The following BNC2 variants were observed in gnomAD, a reference collection of about 807,000 sequenced individuals.
BNC2 encodes the protein basonuclin zinc finger protein 2.
Under a neutral mutation model 76.3 loss-of-function variants are expected in BNC2, and 20 were observed. The ratio of observed to expected loss-of-function variants is 0.26; its 90% CI spans 0.18 to 0.38. The LOEUF (loss-of-function observed/expected upper bound fraction) is 0.38. BNC2 is among the 10% of genes least tolerant of loss of function. The probability of loss-of-function intolerance (pLI) is 1.00; values close to 1 mark genes in which losing one functional copy is unlikely to be tolerated. For synonymous variants in BNC2, 582 were observed against 514.8 expected (o/e 1.13, Z -1.77); for missense variants, 1,382 against 1,399.8 (o/e 0.99, Z 0.20).
chr9:16,565,594 G>T (rs886568437), intron 4 of BNC2, among the ~76,000 whole-genome samples: 1 of 152,080 alleles, frequency 6.6e-6, no homozygotes, highest in South Asian at 2.1e-4. Context: ...TGGGTCACTT[G>T]AGCTCGAGTT....
At chr9:16,674,337 C>G (rs2134212900) in intron 3 of BNC2, among the ~76,000 whole-genome samples, 1 of 152,194 alleles carries the variant, frequency 6.6e-6, no homozygotes, top group Admixed American at 6.5e-5. Flanking sequence ...AATTTCCTAG[C>G]CAGAAAGACA....
At chr9:16,695,231 A>ACAGAG (rs1274605178) in intron 3 of BNC2, among the ~76,000 whole-genome samples, 1 of 152,200 alleles carries the variant, frequency 6.6e-6, no homozygotes, top group African/African-American at 2.4e-5. Context: ...TCACAAAAAG[A>ACAGAG]CAGAGCTACT....
At chr9:16,532,390 T>C (rs1818008947) in intron 5 of BNC2, among the ~76,000 whole-genome samples, 1 of 152,162 alleles carries the variant, frequency 6.6e-6, no homozygotes, top group Non-Finnish European at 1.5e-5. Flanking sequence ...AGGTGGTGTT[T>C]AGTAATGTGA....
At chr9:16,741,830 C>T (rs549444454) in intron 1 of BNC2, among the ~76,000 whole-genome samples, 4 of 151,410 alleles carry the variant, frequency 2.6e-5, no homozygotes, top group African/African-American at 7.3e-5. Flanking sequence ...TGGTGGTACA[C>T]GCCTGTAGTT....
At chr9:16,529,951 C>A (rs562612796) in intron 5 of BNC2, among the ~76,000 whole-genome samples, 5 of 152,204 alleles carry the variant, frequency 3.3e-5, no homozygotes, top group African/African-American at 1.2e-4. Context: ...CAGGCTCAAC[C>A]GATTCTTCTG....
intron 1 of BNC2, among the ~76,000 whole-genome samples, chr9:16,858,548 A>C (rs1169100815): frequency 2.0e-5 from 3 of 152,188 alleles, no homozygotes; most frequent in Admixed American, 2.0e-4. Context: ...AACTGAATCA[A>C]ACTTAGAAAC....
At chr9:16,452,498 C>G (rs1382143890) in intron 5 of BNC2, among the ~76,000 whole-genome samples, 1 of 152,148 alleles carries the variant, frequency 6.6e-6, no homozygotes, top group Non-Finnish European at 1.5e-5. Context: ...TATTGGCTCA[C>G]TGCAACCTCC....
chr9:16,737,282 G>C (rs34259118), intron 2 of BNC2, among the ~76,000 whole-genome samples: 2 of 122,036 alleles, frequency 1.6e-5, no homozygotes, highest in Non-Finnish European at 3.2e-5. Context: ...AGACAGTCTC[G>C]CTCTGTTGCC....
intron 5 of BNC2, among the ~76,000 whole-genome samples, chr9:16,520,688 G>C (rs555514688): frequency 1.4e-3 from 207 of 152,228 alleles, no homozygotes; most frequent in African/African-American, 4.8e-3. Context: ...TATCATTCCT[G>C]AGTACAGAGA....
At chr9:16,463,743 A>C (rs1449196715) in intron 5 of BNC2, among the ~76,000 whole-genome samples, 4 of 152,214 alleles carry the variant, frequency 2.6e-5, no homozygotes, top group Non-Finnish European at 2.9e-5. Flanking sequence ...TCCTCCAACT[A>C]CAAAATTCAC....
intron 1 of BNC2, among the ~76,000 whole-genome samples, chr9:16,830,834 C>A (rs1376030179): frequency 1.3e-5 from 2 of 152,202 alleles, no homozygotes; most frequent in Non-Finnish European, 2.9e-5. Context: ...GTAATTCACA[C>A]ATTTAACCTG....
intron 5 of BNC2, among the ~76,000 whole-genome samples, chr9:16,526,499 G>C (rs1040320688): frequency 1.1e-4 from 4 of 35,794 alleles, no homozygotes; most frequent in Non-Finnish European, 1.6e-4. Context: ...TTTTTGCCTT[G>C]TGATTCACCT....
chr9:16,739,411 C>G (rs7035732), intron 1 of BNC2, among the ~76,000 whole-genome samples: 137,573 of 152,146 alleles, frequency 0.9, 62,230 homozygotes, highest in Non-Finnish European at 0.92. Flanking sequence ...GCTCACGCCT[C>G]TAATCCCAAA....
chr9:16,786,033 G>T (rs1563942549), intron 1 of BNC2, among the ~76,000 whole-genome samples: 1 of 152,056 alleles, frequency 6.6e-6, no homozygotes, highest in Non-Finnish European at 1.5e-5. Flanking sequence ...TCCCTTGTGA[G>T]AAGCAGCAGT....
intron 5 of BNC2, among the ~76,000 whole-genome samples, chr9:16,534,061 C>T (rs1818061477): frequency 6.6e-6 from 1 of 152,048 alleles, no homozygotes; most frequent in Non-Finnish European, 1.5e-5. Flanking sequence ...GGTGTAAGTG[C>T]TTTTTAAAAT....
At chr9:16,511,799 A>G (rs1319812059) in intron 5 of BNC2, among the ~76,000 whole-genome samples, 1 of 152,134 alleles carries the variant, frequency 6.6e-6, no homozygotes, top group Non-Finnish European at 1.5e-5. Flanking sequence ...AAGTAAGCAA[A>G]GGTATTTTTT....
At position 16,417,526 on chromosome 9, in the gene BNC2, T is replaced by A. The variant is rs1161534186; in HGVS notation, c.*1463A>T. On this transcript the variant is annotated 3_prime_UTR_variant, in exon 7 of 7. Coordinates refer to ENST00000380672, the MANE Select transcript of BNC2 (RefSeq NM_017637.6). ...AAGTTTAGCACATGTTTTCAAAGCTTCCAAGTACTGCTGCTGTTAAATGCC... is the reference window on the plus strand; with the variant it reads ...AAGTTTAGCACATGTTTTCAAAGCTACCAAGTACTGCTGCTGTTAAATGCC... 3 of 152,226 alleles carry A rather than the reference T, an allele frequency of 2.0e-5. No homozygotes were observed. The highest frequency in any genetic ancestry group is 7.2e-5 in the African/African-American group (3 of 41,462). 9.4% of individuals were successfully genotyped at this position (152,226 alleles called of 1,614,324 possible). A position where few individuals can be genotyped will look rare whatever the true frequency, so the allele number is the denominator to read the frequency against.
At chr9:16,496,771 A>C (rs576138069) in intron 5 of BNC2, among the ~76,000 whole-genome samples, 1 of 152,322 alleles carries the variant, frequency 6.6e-6, no homozygotes, top group East Asian at 1.9e-4. Context: ...TATTCTACCA[A>C]GCTCTTTAGA....
At chr9:16,615,417 C>T (rs1820670966) in intron 3 of BNC2, among the ~76,000 whole-genome samples, 1 of 152,130 alleles carries the variant, frequency 6.6e-6, no homozygotes, top group Non-Finnish European at 1.5e-5. Context: ...TTTCCCCATC[C>T]TTTTCCCCAG....
Sources: gnomAD v4.1 joint callset for allele counts (sites outside exome capture counted in the v4.1 genomes callset) on GRCh38, gnomAD v4.1.1 for gene constraint, MANE v1.5 for transcripts, NCBI Gene and HGNC (gene_info 2026-07-23, HGNC 2026-07-21) for gene names.